The following ABCA2 variants were observed in gnomAD, a reference collection of about 807,000 sequenced individuals.
The protein encoded by ABCA2 is ATP binding cassette subfamily A member 2, also known as ATP-binding cassette sub-family A member 2.
In ABCA2, 84 loss-of-function variants were observed where a neutral mutation model predicts 262.8. That is an observed-to-expected ratio of 0.32 (90% CI 0.27 to 0.38). ABCA2 has a LOEUF of 0.38. ABCA2 is among the 10% of genes least tolerant of loss of function. ABCA2 has a pLI of 1.00. For synonymous variants in ABCA2, 1,696 were observed against 1,502.9 expected (o/e 1.13, Z -2.97); for missense variants, 2,662 against 3,405.9 (o/e 0.78, Z 5.44).
Position 137,010,959 on chromosome 9 carries a change from CG to C in ABCA2, c.6056+13del. ...CTCCCGCCCCGCCCCCGCCCCACCCCGCCCCCCACTCACTGTGGCCGCCGCA... is the reference window on the plus strand; with the variant it reads ...CTCCCGCCCCGCCCCCGCCCCACCCCCCCCCCACTCACTGTGGCCGCCGCA... On this transcript the variant is annotated intron_variant, in intron 39 of 48. Coordinates refer to ENST00000341511, the MANE Select transcript of ABCA2 (RefSeq NM_001606.5). 7.1e-7 allele frequency: 1 copy of C among 1,401,154 alleles called. No homozygotes were observed. Among genetic ancestry groups the C allele is most frequent in the Non-Finnish European group, 9.8e-7 (1 of 1,024,060 alleles). 86.8% of individuals were successfully genotyped at this position (1,401,154 alleles called of 1,614,324 possible).
chr9:137,017,256 G>A lies in ABCA2; in HGVS notation c.2493C>T (p.Tyr831=), dbSNP rs143432283. The A allele has an allele frequency of 4.9e-4, 796 of 1,612,680 alleles. No individual in the cohort carries two copies. The highest frequency in any genetic ancestry group is 8.3e-4 in the Admixed American group (50 of 60,018). Residue 831 remains tyrosine, a synonymous_variant, in exon 18 of 49, where the codon TAC becomes TAT. Transcript: ENST00000341511. Reference sequence around the variant, plus strand: ...GCGCCACCTCCTCTCGGATCGCCACGTACATGTAGGGCACGTAGCTCAGGA... The same window carrying A: ...GCGCCACCTCCTCTCGGATCGCCACATACATGTAGGGCACGTAGCTCAGGA... The part of the protein sequence containing the change: ...IYFLSYVPYM[Y]VAIREEVAHD...
intron 28 of ABCA2, 79 bp from the exon 29 acceptor site, chr9:137,013,642 A>G: frequency 1.4e-6 from 2 of 1,440,014 alleles, no homozygotes; most frequent in Non-Finnish European, 1.9e-6. Context: ...CCTTCCCCCA[A>G]CCCCAAGGGA....
Position 137,011,803 on chromosome 9 carries a change from A to G in ABCA2, c.5535+41T>C, listed in dbSNP as rs759142964. The stretch of plus-strand genomic sequence containing the variant: ...ACCCGGGGCAGGGCGGGGATGGGGG[A>G]TGAGAAGGGCCGGGGCACCCCATGG... On this transcript the variant is annotated intron_variant, in intron 35 of 48. Coordinates refer to ENST00000341511, the MANE Select transcript of ABCA2 (RefSeq NM_001606.5). This position sits in a 1 kb window ranked among gnomAD's most constrained non-coding sequence, Gnocchi z 8.8. 1 of 1,552,112 alleles carries G rather than the reference A, an allele frequency of 6.4e-7. No homozygotes were observed. The highest frequency in any genetic ancestry group is 8.7e-7 in the Non-Finnish European group (1 of 1,148,620).
At chr9:137,015,934 T>TGGGGCGGGGGGGGGGGGGG in intron 22 of ABCA2, 28 bp downstream of exon 22, 1 of 654,354 alleles carries the variant, frequency 1.5e-6, no homozygotes. Context: ...TCCGCCCACC[T>TGGGGCGGGGGGGGGGGGGG]GCCCCGCCCC....
chr9:137,019,111 C>A lies in ABCA2; in HGVS notation c.1555-41G>T, dbSNP rs1588521653. On this transcript the variant is annotated intron_variant, in intron 11 of 48. Transcript: ENST00000341511. The surrounding 1 kb of genome is among the most constrained non-coding windows in gnomAD (Gnocchi z 4.4). Reference sequence around the variant, plus strand: ...CGGCTCAGAGGGGGACCTGCGCCTGCCGAGCCGGGCAGAGAGGGGCTCCCC... The same window carrying A: ...CGGCTCAGAGGGGGACCTGCGCCTGACGAGCCGGGCAGAGAGGGGCTCCCC... The A allele has an allele frequency of 6.2e-7, 1 of 1,601,530 alleles. No individual in the cohort carries two copies. The highest frequency in any genetic ancestry group is 2.2e-5 in the East Asian group (1 of 44,600).
intron 1 of ABCA2, among the ~76,000 whole-genome samples, chr9:137,024,797 CTTTT>C (rs869249419): frequency 1.6e-4 from 23 of 139,618 alleles, no homozygotes; most frequent in Admixed American, 1.5e-3. Flanking sequence ...GCAAAGGCAC[CTTTT>C]TTTTTTTTTT....
chr9:137,015,216 G>C (rs1831213338), intron 24 of ABCA2, 119 bp from the exon 25 acceptor site: 2 of 1,280,668 alleles, frequency 1.6e-6, no homozygotes, highest in African/African-American at 1.5e-5. Context: ...GCCCCAGCAG[G>C]TATCCTGGGC....
chr9:137,009,757 C>T lies in ABCA2; in HGVS notation c.6630+12G>A, dbSNP rs751463532. 56 of 1,610,548 alleles carry T rather than the reference C, an allele frequency of 3.5e-5. No individual in the cohort carries two copies. Among genetic ancestry groups the T allele is most frequent in the Non-Finnish European group, 4.3e-5 (51 of 1,178,488 alleles). ...AGGCCAGGCAGCCACCCCCCACCCA[C>T]CCAGGACTTACCAGGAAGATGAAGG... is the stretch of plus-strand genomic sequence containing the variant. On this transcript the variant is annotated intron_variant, in intron 43 of 48. Coordinates refer to ENST00000341511, the MANE Select transcript of ABCA2 (RefSeq NM_001606.5).
At position 137,023,459 on chromosome 9, in the gene ABCA2, G is replaced by C. The variant is rs777258578; in HGVS notation, c.163+379C>G. The C allele has an allele frequency of 4.7e-5, 34 of 718,924 alleles. 1 individual carries two copies. The highest frequency in any genetic ancestry group is 4.6e-4 in the South Asian group (34 of 73,384). The allele number at this position is 718,924 out of a possible 1,614,324, so 44.5% of individuals were successfully genotyped here. On this transcript the variant is annotated intron_variant, in intron 3 of 48. Coordinates refer to ENST00000341511, the MANE Select transcript of ABCA2 (RefSeq NM_001606.5). ...GACCTCTGGCCAGCTGGTTAGCAGA[G>C]TGAGTGCAAGAGCCTGAAGGAGTAT... is the stretch of plus-strand genomic sequence containing the variant.
chr9:137,010,942 C>A, intron 39 of ABCA2, 31 bp downstream of exon 39: 1 of 674,264 alleles, frequency 1.5e-6, no homozygotes, highest in Non-Finnish European at 2.5e-6. Flanking sequence ...TGCTCCCGCC[C>A]CGCCCCCGCC....
In ABCA2 at chr9:137,022,742, C is replaced by A; in HGVS notation, c.399G>T (p.Ala133=). The A allele has an allele frequency of 1.2e-6, 2 of 1,605,486 alleles. No individual in the cohort carries two copies. The highest frequency in any genetic ancestry group is 4.5e-5 in the East Asian group (2 of 44,624). The change falls in exon 5 of 49, where the codon GCG becomes GCT. Residue 133 remains alanine, a synonymous_variant. Coordinates refer to ENST00000341511, the MANE Select transcript of ABCA2 (RefSeq NM_001606.5). ...ALRQHLEALS[A]GPGTSGSHLD... is the part of the protein sequence containing the mutation. ...GGTGGCTCCCCGAGGTGCCCGGGCCCGCACTGAGGGCCTCCAGATGCTGGC... is the reference window on the plus strand; with the variant it reads ...GGTGGCTCCCCGAGGTGCCCGGGCCAGCACTGAGGGCCTCCAGATGCTGGC...
rs763435894 is a variant in ABCA2, at chr9:137,018,250, G to A, written c.1921C>T (p.Arg641Cys). 3 of 1,611,520 alleles carry A rather than the reference G, an allele frequency of 1.9e-6. No homozygotes were observed. Among genetic ancestry groups the A allele is most frequent in the Non-Finnish European group, 1.7e-6 (2 of 1,179,726 alleles). Residue 641 changes from arginine to cysteine, a missense_variant, in exon 14 of 49, where the codon CGC becomes TGC. By Grantham distance (180) the Arg-to-Cys change is radical. Around this residue, in one of 12 missense-constraint regions of ABCA2, gnomAD observed 187 missense variants for 205.9 expected, o/e 0.91. Coordinates refer to ENST00000341511, the MANE Select transcript of ABCA2 (RefSeq NM_001606.5). ...SFTEKTNEIR[R>C]AYWRPGPNTG... Reference sequence around the variant, plus strand: ...TTGGGCCCAGGCCGCCAGTAGGCGCGGCGGATCTCGTTGGTTTTCTCGGTG... The same window carrying A: ...TTGGGCCCAGGCCGCCAGTAGGCGCAGCGGATCTCGTTGGTTTTCTCGGTG...
chr9:137,028,809 C>T (rs773685762), upstream of ABCA2: 1 of 1,302,468 alleles, frequency 7.7e-7, no homozygotes, highest in Non-Finnish European at 1.0e-6. The surrounding 1 kb of genome is among the most constrained non-coding windows in gnomAD (Gnocchi z 6.9). Flanking sequence ...GAACGCTCGC[C>T]GTGAGCGGAG....
rs749782214 is a variant in ABCA2, at chr9:137,016,950, G to A, written c.2728C>T (p.Leu910Phe). ...LMVDAVVYGI[L>F]TWYIEAVHPG... ...TGCACAGCCTCAATGTACCACGTGA[G>A]GATGCCATAGACCACGGCGTCCACC... Residue 910 changes from leucine to phenylalanine, a missense_variant, in exon 19 of 49, where the codon CTC (leucine) becomes TTC (phenylalanine). Transcript: ENST00000341511. The A allele has an allele frequency of 1.9e-6, 3 of 1,612,750 alleles. No homozygotes were observed. The highest frequency in any genetic ancestry group is 2.5e-6 in the Non-Finnish European group (3 of 1,179,978).
chr9:137,014,506 A>C, intron 26 of ABCA2, 102 bp from the exon 27 acceptor site: 1 of 1,454,652 alleles, frequency 6.9e-7, no homozygotes. Context: ...AGGCTCATAC[A>C]CCTGTCCGGG....
intron 45 of ABCA2, 38 bp downstream of exon 45, chr9:137,009,332 G>GCCCCCCCCCCCCCCCCCCCTGCCCCCCC: frequency 1.0e-6 from 1 of 980,410 alleles, no homozygotes; most frequent in South Asian, 1.4e-5. Context: ...CCCCCCCCGG[G>GCCCCCCCCCCCCCCCCCCCTGCCCCCCC]CCCGCCCCAG....
chr9:137,008,008 C>T (rs1188795578), intron 48 of ABCA2, 44 bp from the exon 49 acceptor site: 3 of 1,587,784 alleles, frequency 1.9e-6, no homozygotes, highest in African/African-American at 1.3e-5. Flanking sequence ...CCTGTGCCAC[C>T]CCCTGCTGGG....
Position 137,023,745 on chromosome 9 carries a change from A to AT in ABCA2, c.163+92dup, listed in dbSNP as rs545787775. On this transcript the variant is annotated intron_variant, in intron 3 of 48. Transcript: ENST00000341511. ...GGCAGGGGGCCCGGGAGGGCTGTTAATGCAAGCGGGGAGGGCGCTCAAGCC... is the reference window on the plus strand; with the variant it reads ...GGCAGGGGGCCCGGGAGGGCTGTTAATTGCAAGCGGGGAGGGCGCTCAAGCC... The AT allele has an allele frequency of 4.0e-4, 288 of 715,184 alleles. No individual in the cohort carries two copies. In the African/African-American group the frequency reaches 4.7e-3, roughly 12 times the overall value. 44.3% of individuals were successfully genotyped at this position (715,184 alleles called of 1,614,324 possible).
intron 1 of ABCA2, among the ~76,000 whole-genome samples, chr9:137,024,803 T>C (rs2131472502): frequency 6.6e-6 from 1 of 150,850 alleles, no homozygotes; most frequent in East Asian, 1.9e-4. Flanking sequence ...GCACCTTTTT[T>C]TTTTTTTTTT....
Sources: allele counts gnomAD v4.1 joint callset (sites outside exome capture counted in the v4.1 genomes callset), GRCh38; gene constraint gnomAD v4.1.1; regional missense constraint gnomAD v4.1.1; non-coding constraint Gnocchi (gnomAD v3.1); transcripts MANE v1.5; gene names NCBI Gene and HGNC (gene_info 2026-07-23, HGNC 2026-07-21).